The following SLC35F4 variants were observed in gnomAD, a reference collection of about 807,000 sequenced individuals.
SLC35F4 encodes the protein chromosome 14 open reading frame 36.
In SLC35F4, 24 loss-of-function variants were observed where a neutral mutation model predicts 44.2. That is an observed-to-expected ratio of 0.54 (90% CI 0.39 to 0.76). The LOEUF (loss-of-function observed/expected upper bound fraction) is 0.76. Among genes scored for constraint, SLC35F4 ranks in the 30% least tolerant of loss-of-function variants. SLC35F4 has a pLI of 0.00. For synonymous variants in SLC35F4, 238 were observed against 223.6 expected, an observed-to-expected ratio of 1.06 and a Z score of -0.57; for missense variants, 562 against 586.1, an observed-to-expected ratio of 0.96 and a Z score of 0.42.
chr14:57,732,396 A>G (rs942213960), intron 1 of SLC35F4, among the ~76,000 whole-genome samples: 1 of 152,216 alleles, frequency 6.6e-6, no homozygotes, highest in Non-Finnish European at 1.5e-5. Flanking sequence ...CAAACTAGAA[A>G]AAAATGCATC....
At chr14:57,873,205 A>T (rs946527677) in intron 1 of SLC35F4, among the ~76,000 whole-genome samples, 1 of 152,130 alleles carries the variant, frequency 6.6e-6, no homozygotes, top group Non-Finnish European at 1.5e-5. Context: ...ACCCCATAGC[A>T]TTATCCCACG....
chr14:57,671,436 G>A (rs903147621), intron 1 of SLC35F4, among the ~76,000 whole-genome samples: 2 of 151,956 alleles, frequency 1.3e-5, no homozygotes, highest in Non-Finnish European at 2.9e-5. Flanking sequence ...TGAGGCCCCT[G>A]TTTCAGGCCT....
rs60521934 is a variant in SLC35F4, at chr14:57,587,870, C to CAA, written c.587+1344_587+1345dup. 2.2e-3 allele frequency among the ~76,000 whole-genome samples: 274 copies of CAA among 125,004 alleles called. 1 individual carries two copies. Among genetic ancestry groups the CAA allele is most frequent in the Middle Eastern group, 0.014 (3 of 222 alleles). 82.0% of individuals were successfully genotyped at this position (125,004 alleles called of 152,430 possible). ...AAGAATAATTAGTACATGCACCTTC[C>CAA]AAAAAAAAAAAAAAAAAAGAAAATG... On this transcript the variant is annotated intron_variant, in intron 3 of 7. Coordinates refer to ENST00000556826, the MANE Select transcript of SLC35F4 (RefSeq NM_001306087.2).
chr14:57,675,343 C>T (rs375328551), intron 1 of SLC35F4, among the ~76,000 whole-genome samples: 40 of 152,062 alleles, frequency 2.6e-4, no homozygotes, highest in African/African-American at 8.2e-4. Context: ...GCCTACTATC[C>T]GCAATTTACT....
At chr14:57,667,671 TG>T (rs2074363598) in intron 1 of SLC35F4, among the ~76,000 whole-genome samples, 1 of 151,876 alleles carries the variant, frequency 6.6e-6, no homozygotes. Context: ...AACTCATCCT[TG>T]TTTATGGCTG....
At chr14:57,974,551 C>A (rs1566522279), downstream of SLC35F4, among the ~76,000 whole-genome samples, 1 of 152,050 alleles carries the variant, frequency 6.6e-6, no homozygotes, top group Non-Finnish European at 1.5e-5. Flanking sequence ...TTGCTTAGAT[C>A]CAAGGGAAAG....
chr14:57,582,237 C>A (rs763903075), intron 3 of SLC35F4, among the ~76,000 whole-genome samples: 7 of 152,032 alleles, frequency 4.6e-5, no homozygotes, highest in Non-Finnish European at 8.8e-5. Flanking sequence ...GCTCTCTTAC[C>A]CAGGCTGGAA....
intron 1 of SLC35F4, among the ~76,000 whole-genome samples, chr14:57,650,026 A>G (rs769523489): frequency 6.6e-6 from 1 of 151,988 alleles, no homozygotes; most frequent in Non-Finnish European, 1.5e-5. Context: ...AGCTTTCAGG[A>G]TACCATATCC....
chr14:57,846,211 G>A (rs1886009031), intron 1 of SLC35F4, among the ~76,000 whole-genome samples: 1 of 152,096 alleles, frequency 6.6e-6, no homozygotes, highest in Non-Finnish European at 1.5e-5. Context: ...CCAAAAGAAG[G>A]GAGTAACATG....
intron 1 of SLC35F4, among the ~76,000 whole-genome samples, chr14:57,888,108 C>T (rs1469298351): frequency 6.6e-6 from 1 of 152,096 alleles, no homozygotes; most frequent in African/African-American, 2.4e-5. Context: ...CCACTGTAGA[C>T]AGTATTATCA....
chr14:57,868,708 C>T (rs1435122302), upstream of SLC35F4, among the ~76,000 whole-genome samples: 2 of 152,148 alleles, frequency 1.3e-5, no homozygotes, highest in African/African-American at 4.8e-5. Flanking sequence ...GAACTCCTGA[C>T]CTCAGGTGAT....
At chr14:57,744,458 A>G (rs527505426) in intron 1 of SLC35F4, among the ~76,000 whole-genome samples, 196 of 152,312 alleles carry the variant, frequency 1.3e-3, no homozygotes, top group Non-Finnish European at 2.5e-3. Context: ...CCAAATCATG[A>G]GTGAACCCCC....
intron 1 of SLC35F4, among the ~76,000 whole-genome samples, chr14:57,758,743 AT>A (rs922908972): frequency 6.6e-6 from 1 of 151,994 alleles, no homozygotes; most frequent in African/African-American, 2.4e-5. Context: ...TGGACTTTGG[AT>A]TTTTCTTTTA....
At chr14:57,616,287 C>T (rs1216914968) in intron 1 of SLC35F4, among the ~76,000 whole-genome samples, 1 of 152,116 alleles carries the variant, frequency 6.6e-6, no homozygotes. Flanking sequence ...ACCATCTTAG[C>T]GTGGTAGTAA....
intron 1 of SLC35F4, among the ~76,000 whole-genome samples, chr14:57,742,547 A>G (rs1261630843): frequency 6.6e-6 from 1 of 152,238 alleles, no homozygotes; most frequent in African/African-American, 2.4e-5. Flanking sequence ...ATATGCACCA[A>G]TACAGAAGCA....
At chr14:57,792,762 TG>T (rs2077956481) in intron 1 of SLC35F4, among the ~76,000 whole-genome samples, 1 of 151,910 alleles carries the variant, frequency 6.6e-6, no homozygotes, top group South Asian at 2.1e-4. Context: ...TAATGGACTC[TG>T]GGGACTCAAG....
chr14:57,860,648 A>C (rs1439405794), intron 1 of SLC35F4, among the ~76,000 whole-genome samples: 1 of 152,198 alleles, frequency 6.6e-6, no homozygotes, highest in Non-Finnish European at 1.5e-5. Flanking sequence ...ACAAAAAAGA[A>C]TACTCACCCC....
rs547927565 is a variant in SLC35F4, at chr14:57,831,243, A to T, written c.103+34480T>A. 6.6e-4 allele frequency among the ~76,000 whole-genome samples: 100 copies of T among 152,278 alleles called. 1 individual carries two copies. The highest frequency in any genetic ancestry group is 2.2e-3 in the African/African-American group (92 of 41,562). ...TCTCTAATATCTTTCTCTCCCTGCC[A>T]TGTGAGAATATAGTGAGAAGGCAGC... On this transcript the variant is annotated intron_variant, in intron 1 of 7. Coordinates refer to ENST00000556826, the MANE Select transcript of SLC35F4 (RefSeq NM_001306087.2).
At chr14:57,858,651 C>T (rs1188019989) in intron 1 of SLC35F4, among the ~76,000 whole-genome samples, 3 of 150,692 alleles carry the variant, frequency 2.0e-5, no homozygotes, top group Non-Finnish European at 4.4e-5. Flanking sequence ...GCACATTGTG[C>T]ACATGTACCC....
Sources: gnomAD v4.1 joint callset for allele counts (sites outside exome capture counted in the v4.1 genomes callset) on GRCh38, gnomAD v4.1.1 for gene constraint, MANE v1.5 for transcripts, NCBI Gene and HGNC (gene_info 2026-07-23, HGNC 2026-07-21) for gene names.